Variants in AKAP19 observed in about 807,000 individuals in gnomAD.
The protein encoded by AKAP19 is small A-kinase anchoring protein.
the AKAP19 span, among the ~76,000 whole-genome samples, chr2:190,019,418 C>T: frequency 6.6e-6 from 1 of 152,056 alleles, no homozygotes; most frequent in Non-Finnish European, 1.5e-5. Flanking sequence ...AAAGACTGGG[C>T]ATGAGGCTGG....
chr2:189,880,994 A>C, the AKAP19 span, among the ~76,000 whole-genome samples: 2 of 152,234 alleles, frequency 1.3e-5, no homozygotes, highest in Non-Finnish European at 2.9e-5. Flanking sequence ...ATAGAAGGCC[A>C]AAGTGACATA....
chr2:190,188,324 T>C, the AKAP19 span, among the ~76,000 whole-genome samples: 2 of 152,238 alleles, frequency 1.3e-5, no homozygotes, highest in Non-Finnish European at 2.9e-5. Context: ...TTGATTTAAA[T>C]ATTTTTGAGA....
chr2:189,958,851 T>C, the AKAP19 span, among the ~76,000 whole-genome samples: 1 of 152,104 alleles, frequency 6.6e-6, no homozygotes, highest in Non-Finnish European at 1.5e-5. Flanking sequence ...TAAAAGTAAA[T>C]GAATACTTAA....
At chr2:190,127,582 G>A in the AKAP19 span, among the ~76,000 whole-genome samples, 1 of 152,062 alleles carries the variant, frequency 6.6e-6, no homozygotes, top group Non-Finnish European at 1.5e-5. Flanking sequence ...AGCCACTAAA[G>A]ATCTGTAGGA....
the AKAP19 span, chr2:190,062,091 A>G: frequency 1.1e-6 from 1 of 931,350 alleles, no homozygotes; most frequent in African/African-American, 1.7e-5. Context: ...CTTGAAAAAG[A>G]GAAACTCTTT....
At chr2:190,118,758 A>G in the AKAP19 span, among the ~76,000 whole-genome samples, 31 of 152,236 alleles carry the variant, frequency 2.0e-4, no homozygotes, top group African/African-American at 7.2e-4. Flanking sequence ...CACAGCCAAT[A>G]TCATACTGAA....
the AKAP19 span, among the ~76,000 whole-genome samples, chr2:190,163,441 CAAAAAACAAAAAACA>C: frequency 7.7e-6 from 1 of 130,154 alleles, no homozygotes; most frequent in Non-Finnish European, 1.7e-5. Context: ...CTCAAAAAAA[CAAAAAACAAAAAACA>C]AAAAAAAAAA....
At chr2:190,074,462 C>A in the AKAP19 span, among the ~76,000 whole-genome samples, 36 of 151,966 alleles carry the variant, frequency 2.4e-4, no homozygotes, top group Non-Finnish European at 4.0e-4. Context: ...ACCATCCTGG[C>A]CAACATGGTG....
chr2:190,018,346 G>A, the AKAP19 span, among the ~76,000 whole-genome samples: 27 of 149,254 alleles, frequency 1.8e-4, no homozygotes, highest in African/African-American at 4.2e-4. Context: ...TTTTTTTTTC[G>A]TTTTGGTCTT....
chr2:189,936,536 G>A, the AKAP19 span, among the ~76,000 whole-genome samples: 4 of 152,088 alleles, frequency 2.6e-5, no homozygotes, highest in Non-Finnish European at 5.9e-5. Context: ...TAAGGATCAG[G>A]TAGTAATATT....
the AKAP19 span, among the ~76,000 whole-genome samples, chr2:189,959,080 T>C: frequency 6.6e-6 from 1 of 152,058 alleles, no homozygotes; most frequent in Admixed American, 6.6e-5. Context: ...TTTTTTTTCT[T>C]AAACTGGGTG....
At chr2:189,906,608 A>G in the AKAP19 span, among the ~76,000 whole-genome samples, 1 of 152,152 alleles carries the variant, frequency 6.6e-6, no homozygotes, top group African/African-American at 2.4e-5. Flanking sequence ...TGTGTATTCC[A>G]TTGTATAAGC....
the AKAP19 span, among the ~76,000 whole-genome samples, chr2:189,934,000 C>T: frequency 2.6e-5 from 4 of 152,050 alleles, no homozygotes; most frequent in Non-Finnish European, 5.9e-5. Context: ...AAACATTTGC[C>T]ACACATTTAT....
the AKAP19 span, among the ~76,000 whole-genome samples, chr2:190,107,103 T>C: frequency 6.6e-6 from 1 of 152,214 alleles, no homozygotes; most frequent in African/African-American, 2.4e-5. Flanking sequence ...TACTCAAATG[T>C]CTGTGGTATT....
chr2:189,898,672 G>T, the AKAP19 span, among the ~76,000 whole-genome samples: 1 of 152,070 alleles, frequency 6.6e-6, no homozygotes, highest in African/African-American at 2.4e-5. Flanking sequence ...TGATTATCTT[G>T]TCAGTTCTAC....
At chr2:189,967,202 C>T in the AKAP19 span, among the ~76,000 whole-genome samples, 1 of 152,214 alleles carries the variant, frequency 6.6e-6, no homozygotes, top group African/African-American at 2.4e-5. Context: ...ACCTGGTTTT[C>T]ACCGTGGGTG....
At chr2:189,886,334 G>A in the AKAP19 span, among the ~76,000 whole-genome samples, 1 of 152,096 alleles carries the variant, frequency 6.6e-6, no homozygotes, top group Non-Finnish European at 1.5e-5. Context: ...TCCATGTCAT[G>A]TTTTGTCTAG....
the AKAP19 span, among the ~76,000 whole-genome samples, chr2:190,046,493 C>T: frequency 6.6e-6 from 1 of 152,068 alleles, no homozygotes; most frequent in Non-Finnish European, 1.5e-5. Context: ...TTCATTTATA[C>T]TAGTATATAG....
chr2:189,948,430 C>T, the AKAP19 span, among the ~76,000 whole-genome samples: 2 of 152,058 alleles, frequency 1.3e-5, no homozygotes, highest in East Asian at 1.9e-4. Context: ...AGTACAGTAA[C>T]GTGTACCTCC....
Sources: gnomAD v4.1 joint callset for allele counts (sites outside exome capture counted in the v4.1 genomes callset) on GRCh38, gnomAD v4.1.1 for gene constraint, MANE v1.5 for transcripts, NCBI Gene and HGNC (gene_info 2026-07-23, HGNC 2026-07-21) for gene names.